The following BEAN1 variants were observed in gnomAD, a reference collection of about 807,000 sequenced individuals.
BEAN1 encodes the protein brain expressed associated with NEDD4 1.
A neutral mutation model predicts 17.7 loss-of-function variants in BEAN1; 17 were observed. The ratio of observed to expected loss-of-function variants is 0.96; its 90% CI spans 0.66 to 1.44. The LOEUF (loss-of-function observed/expected upper bound fraction) is 1.44. BEAN1 is among the 40% of genes most tolerant of loss of function. The pLI is 0.00. For missense variants in BEAN1, 359 were observed against 374.1 expected, an observed-to-expected ratio of 0.96 and a Z score of 0.33; for synonymous variants, 142 against 151.8, an observed-to-expected ratio of 0.94 and a Z score of 0.47.
Position 66,473,574 on chromosome 16 carries a change from A to G in BEAN1, c.289+3709A>G. Among the ~76,000 whole-genome samples the G allele has an allele frequency of 6.6e-6, 1 of 151,756 alleles. No individual in the cohort carries two copies. Among genetic ancestry groups the G allele is most frequent in the African/African-American group, 2.4e-5 (1 of 41,292 alleles). ...CCACCAGGCGCGGTGCCTCACACCTATAATCCCAGCACTTTGGGAGGCCAA... is the reference window on the plus strand; with the variant it reads ...CCACCAGGCGCGGTGCCTCACACCTGTAATCCCAGCACTTTGGGAGGCCAA... On this transcript the variant is annotated intron_variant, in intron 3 of 4. Transcript: ENST00000536005. The surrounding 1 kb of genome is among the most constrained non-coding windows in gnomAD (Gnocchi z 4.5).
Position 66,487,890 on chromosome 16 carries a change from G to C in BEAN1, c.147+4975G>C, listed in dbSNP as rs186614643. Among the ~76,000 whole-genome samples, 41 of 152,324 alleles carry C rather than the reference G, an allele frequency of 2.7e-4. No homozygotes were observed. In the East Asian group the frequency reaches 6.7e-3, roughly 25 times the overall value. On this transcript the variant is annotated intron_variant, in intron 4 of 4. Transcript: ENST00000561796. ...AAAGTCAGTCACACTGACGGGCAGA[G>C]AGAGCAGGTTCTCACGAAATCAGTC...
At chr16:66,441,093 G>A (rs530210069) in intron 2 of BEAN1, among the ~76,000 whole-genome samples, 3 of 152,288 alleles carry the variant, frequency 2.0e-5, no homozygotes, top group Admixed American at 2.0e-4. Context: ...GCCAGTGGAC[G>A]GTGAACATCC....
intron 2 of BEAN1, among the ~76,000 whole-genome samples, chr16:66,446,875 C>T (rs1962476081): frequency 6.6e-6 from 1 of 152,156 alleles, no homozygotes; most frequent in Non-Finnish European, 1.5e-5. Flanking sequence ...CCCTGATTCT[C>T]AGCTCTGCAT....
intron 3 of BEAN1, among the ~76,000 whole-genome samples, chr16:66,474,003 G>A (rs1050216675): frequency 3.3e-5 from 5 of 152,040 alleles, no homozygotes; most frequent in Non-Finnish European, 7.4e-5. Context: ...GCTCCAGCCC[G>A]CAGGTCAGCT....
intron 2 of BEAN1, among the ~76,000 whole-genome samples, chr16:66,445,475 CAAAAAAAAAAAAAAA>C (rs61540693): frequency 2.8e-4 from 14 of 49,310 alleles, no homozygotes; most frequent in African/African-American, 4.0e-4. Context: ...GACTCCGTCT[CAAAAAAAAAAAAAAA>C]AAAAAAAAAA....
At chr16:66,478,559 A>G (rs1293159941) in intron 4 of BEAN1, among the ~76,000 whole-genome samples, 2 of 152,250 alleles carry the variant, frequency 1.3e-5, no homozygotes, top group African/African-American at 4.8e-5. Flanking sequence ...CTGAGATCGC[A>G]CCACTGCACT....
chr16:66,439,574 C>A (rs150537178), intron 2 of BEAN1, among the ~76,000 whole-genome samples: 51 of 151,962 alleles, frequency 3.4e-4, no homozygotes, highest in African/African-American at 1.1e-3. Context: ...CCCTGCAGGG[C>A]AGCCCTCTGC....
chr16:66,489,235 G>A (rs755019946), intron 4 of BEAN1, among the ~76,000 whole-genome samples: 19 of 151,966 alleles, frequency 1.3e-4, no homozygotes, highest in Admixed American at 7.9e-4. Context: ...CACTAAACCC[G>A]TAGAAATTCA....
chr16:66,454,729 C>CTT lies in BEAN1; in HGVS notation c.26-14854_26-14853dup, dbSNP rs538469751. 6.2e-3 allele frequency among the ~76,000 whole-genome samples: 518 copies of CTT among 83,682 alleles called. 3 individuals carry two copies. The highest frequency in any genetic ancestry group is 0.016 in the African/African-American group (356 of 21,958). 54.9% of individuals were successfully genotyped at this position (83,682 alleles called of 152,430 possible). On this transcript the variant is annotated intron_variant, in intron 2 of 4. Coordinates refer to ENST00000536005, the MANE Select transcript of BEAN1 (RefSeq NM_001178020.3). Reference sequence around the variant, plus strand: ...GCATACATCTTCCTTTTCTTTCTTTCTTTTTTTTTTTTTTTTTTTTGCTTT... The same window carrying CTT: ...GCATACATCTTCCTTTTCTTTCTTTCTTTTTTTTTTTTTTTTTTTTTTGCTTT...
At chr16:66,457,203 A>ATGGG (rs921262633) in intron 2 of BEAN1, among the ~76,000 whole-genome samples, 4 of 152,096 alleles carry the variant, frequency 2.6e-5, no homozygotes, top group Non-Finnish European at 5.9e-5. Flanking sequence ...TGGTGAGGGG[A>ATGGG]TGGGTGGATG....
In BEAN1 at chr16:66,434,567, C is replaced by T. The variant is rs1429819323; in HGVS notation, c.-82-3028C>T. ...TGTGTTTTCCAAGGGTTTTGTGGGACACCGCGTAGGTGCTTGGGAAATGAA... is the reference window on the plus strand; with the variant it reads ...TGTGTTTTCCAAGGGTTTTGTGGGATACCGCGTAGGTGCTTGGGAAATGAA... On this transcript the variant is annotated intron_variant, in intron 1 of 4. Coordinates refer to ENST00000536005, the MANE Select transcript of BEAN1 (RefSeq NM_001178020.3). This position sits in a 1 kb window ranked among gnomAD's most constrained non-coding sequence, Gnocchi z 4.3. 6.6e-6 allele frequency among the ~76,000 whole-genome samples: 1 copy of T among 152,118 alleles called. No individual in the cohort carries two copies.
downstream of BEAN1, among the ~76,000 whole-genome samples, chr16:66,494,084 C>A (rs1316917687): frequency 6.6e-6 from 1 of 152,194 alleles, no homozygotes; most frequent in African/African-American, 2.4e-5. Flanking sequence ...CCCAAAGACA[C>A]CATCCCAGCA....
downstream of BEAN1, among the ~76,000 whole-genome samples, chr16:66,486,669 G>C (rs893332379): frequency 1.6e-4 from 24 of 152,316 alleles, no homozygotes; most frequent in Middle Eastern, 3.4e-3. Flanking sequence ...GGAAGAGGAG[G>C]AGCCACATTC....
At chr16:66,490,720 G>C (rs1013961378) in intron 4 of BEAN1, among the ~76,000 whole-genome samples, 1 of 152,144 alleles carries the variant, frequency 6.6e-6, no homozygotes, top group Non-Finnish European at 1.5e-5. Flanking sequence ...TGGGATGGTA[G>C]TGTGGAAAGA....
rs1961620881 is a variant in BEAN1 at position 66,427,452 on chromosome 16, C to A, written c.-83+21C>A. The A allele has an allele frequency of 6.9e-6, 1 of 145,696 alleles. No individual in the cohort carries two copies. Among genetic ancestry groups the A allele is most frequent in the South Asian group, 2.3e-4 (1 of 4,302 alleles). The allele number at this position is 145,696 out of a possible 1,614,324, so 9.0% of individuals were successfully genotyped here. A position where few individuals can be genotyped will look rare whatever the true frequency, so the allele number is the denominator to read the frequency against. ...GCCGAGTAAGGGGCGTGGGGCTGGG[C>A]GGCGCGGGGGAGGGGCGGGCGGGGG... On this transcript the variant is annotated intron_variant, in intron 1 of 4. Transcript: ENST00000536005. This position sits in a 1 kb window ranked among gnomAD's most constrained non-coding sequence, Gnocchi z 4.7.
rs1964001923 is a variant in BEAN1, at chr16:66,481,996, T to A, written c.*1071T>A. On this transcript the variant is annotated 3_prime_UTR_variant, in exon 5 of 5. Transcript: ENST00000536005. This position sits in a 1 kb window ranked among gnomAD's most constrained non-coding sequence, Gnocchi z 4.1. ...TTGCAGAGACAAAATGAAGGGGATA[T>A]GCTCCCCATAAATACCACCTTGCCA... is the stretch of plus-strand genomic sequence containing the variant. The A allele has an allele frequency of 6.6e-6, 1 of 152,300 alleles. No homozygotes were observed. The highest frequency in any genetic ancestry group is 1.9e-4 in the East Asian group (1 of 5,200). 9.4% of individuals were successfully genotyped at this position (152,300 alleles called of 1,614,324 possible).
intron 3 of BEAN1, 179 bp downstream of exon 3, chr16:66,470,044 T>C: frequency 2.4e-6 from 2 of 848,946 alleles, no homozygotes; most frequent in East Asian, 2.7e-5. Flanking sequence ...CTCGGTGACA[T>C]GAGAGGCCCG....
intron 2 of BEAN1, among the ~76,000 whole-genome samples, chr16:66,467,307 A>T (rs1820673): frequency 0.095 from 14,433 of 152,172 alleles, 866 homozygotes; most frequent in South Asian, 0.23. Flanking sequence ...GAGGCCGGAT[A>T]ATTTATAAAG....
At chr16:66,460,153 G>C (rs2142414015) in intron 2 of BEAN1, among the ~76,000 whole-genome samples, 1 of 152,294 alleles carries the variant, frequency 6.6e-6, no homozygotes, top group South Asian at 2.1e-4. Context: ...CCACCCTCCT[G>C]GTGTTCTCAG....
Sources: gnomAD v4.1 joint callset for allele counts (sites outside exome capture counted in the v4.1 genomes callset) on GRCh38, gnomAD v4.1.1 for gene constraint, Gnocchi (gnomAD v3.1) non-coding constraint, MANE v1.5 for transcripts, NCBI Gene and HGNC (gene_info 2026-07-23, HGNC 2026-07-21) for gene names.